ARID2: variants seen among roughly 807,000 people sequenced by gnomAD.
The protein encoded by ARID2 is AT-rich interaction domain 2.
A neutral mutation model predicts 184.6 loss-of-function variants in ARID2; 32 were observed. The observed-to-expected ratio is 0.17, with a 90% confidence interval of 0.13 to 0.23. The LOEUF (loss-of-function observed/expected upper bound fraction) is 0.23. Ranked by LOEUF, ARID2 falls within the 10% of genes least tolerant of loss-of-function variation. The pLI is 1.00. For synonymous variants in ARID2, 836 were observed against 772.6 expected (o/e 1.08, Z -1.36); for missense variants, 1,696 against 2,197.6 (o/e 0.77, Z 4.56).
intron 3 of ARID2, among the ~76,000 whole-genome samples, chr12:45,734,604 A>C (rs993283506): frequency 5.3e-5 from 8 of 152,060 alleles, no homozygotes; most frequent in Non-Finnish European, 1.0e-4. Flanking sequence ...GGCTTAGGGA[A>C]CATTTCATTA....
intron 3 of ARID2, among the ~76,000 whole-genome samples, chr12:45,779,045 T>C (rs1942038451): frequency 3.3e-5 from 5 of 152,084 alleles, no homozygotes; most frequent in Admixed American, 3.3e-4. Flanking sequence ...TTTAATAACT[T>C]CATATTTGTG....
At chr12:45,832,181 T>C (rs1943135030) in intron 6 of ARID2, among the ~76,000 whole-genome samples, 2 of 152,222 alleles carry the variant, frequency 1.3e-5, no homozygotes, top group Admixed American at 1.3e-4. Context: ...TTTTGATGCA[T>C]ATAAAACTGT....
At chr12:45,873,360 G>C (rs918743020) in intron 16 of ARID2, among the ~76,000 whole-genome samples, 2 of 152,052 alleles carry the variant, frequency 1.3e-5, no homozygotes, top group African/African-American at 2.4e-5. Flanking sequence ...CACTGTAGTT[G>C]CATTGATAGC....
chr12:45,789,372 T>C (rs1481712802), intron 3 of ARID2: 3 of 152,214 alleles, frequency 2.0e-5, no homozygotes, highest in Non-Finnish European at 4.4e-5. Flanking sequence ...TTTTTCTGTG[T>C]TTATTTGTTG....
intron 6 of ARID2, among the ~76,000 whole-genome samples, chr12:45,829,224 TTC>T (rs1407301354): frequency 6.6e-6 from 1 of 152,076 alleles, no homozygotes; most frequent in African/African-American, 2.4e-5. Flanking sequence ...TTTTTCTAGA[TTC>T]TTTTTCATTG....
At chr12:45,799,008 A>C (rs1052374804) in intron 3 of ARID2, among the ~76,000 whole-genome samples, 8 of 151,942 alleles carry the variant, frequency 5.3e-5, no homozygotes, top group Admixed American at 4.6e-4. Context: ...TATTAAAATA[A>C]AAATATACAA....
chr12:45,870,316 G>T (rs1477597580), intron 16 of ARID2, among the ~76,000 whole-genome samples: 1 of 152,080 alleles, frequency 6.6e-6, no homozygotes, highest in African/African-American at 2.4e-5. Flanking sequence ...AGCAGTTTTA[G>T]GTTTATGGAA....
rs541265230 is a variant in ARID2 at position 45,852,699 on chromosome 12, A to G, written c.4576A>G (p.Thr1526Ala). 1.2e-6 allele frequency: 2 copies of G among 1,614,210 alleles called. No homozygotes were observed. Among genetic ancestry groups the G allele is most frequent in the South Asian group, 2.2e-5 (2 of 91,092 alleles). ...GCCAGCAGAGGATACTGATAGGGAA[A>G]CAGTCGCAGGAATTCCAAATAAAGT... is the stretch of plus-strand genomic sequence containing the variant. The part of the protein sequence containing the change: ...KRPAEDTDRE[T>A]VAGIPNKVGV... Residue 1526 changes from threonine (T) to alanine (A), a missense_variant, in exon 15 of 21, where the codon ACA becomes GCA. By Grantham distance (58) the Thr-to-Ala change is moderately conservative. Around this residue, in one of 11 missense-constraint regions of ARID2, gnomAD observed 111 missense variants for 154.0 expected, o/e 0.72. Transcript: ENST00000334344.
chr12:45,898,104 G>A (rs1207227021), intron 20 of ARID2, among the ~76,000 whole-genome samples: 3 of 151,526 alleles, frequency 2.0e-5, no homozygotes, highest in Non-Finnish European at 2.9e-5. Flanking sequence ...AGCCTACAAA[G>A]GAAAAAAAAT....
intron 16 of ARID2, among the ~76,000 whole-genome samples, chr12:45,874,685 C>T (rs1336345289): frequency 6.6e-6 from 1 of 152,222 alleles, no homozygotes; most frequent in African/African-American, 2.4e-5. Context: ...TGCTAATGTT[C>T]ATATTTCGAC....
At chr12:45,862,954 A>G (rs1323527000) in intron 16 of ARID2, among the ~76,000 whole-genome samples, 2 of 152,158 alleles carry the variant, frequency 1.3e-5, no homozygotes, top group Non-Finnish European at 2.9e-5. Flanking sequence ...TTAGTCTGCA[A>G]ATATTTGTTA....
intron 3 of ARID2, among the ~76,000 whole-genome samples, chr12:45,788,607 A>C (rs1054407874): frequency 1.3e-5 from 2 of 152,150 alleles, no homozygotes; most frequent in Non-Finnish European, 2.9e-5. Flanking sequence ...CCCCCTACCC[A>C]GGATATGGGA....
In ARID2 at chr12:45,851,812, G is replaced by GTAC; in HGVS notation, c.3694_3696dup (p.Thr1232dup). ...GCATCTCCTGCTGGACAATCATCAT[G>GTAC]TACTACTGCTACTCCCCCATTCAAA... On this transcript the variant is annotated inframe_insertion, in exon 15 of 21. Transcript: ENST00000334344. 6.2e-7 allele frequency: 1 copy of GTAC among 1,614,134 alleles called. No homozygotes were observed. The highest frequency in any genetic ancestry group is 1.1e-5 in the South Asian group (1 of 91,080).
At chr12:45,883,170 T>C (rs1213394176) in intron 16 of ARID2, among the ~76,000 whole-genome samples, 3 of 152,204 alleles carry the variant, frequency 2.0e-5, no homozygotes, top group African/African-American at 7.2e-5. Context: ...TTGAGAAATA[T>C]GTGTTCCTTA....
intron 3 of ARID2, among the ~76,000 whole-genome samples, chr12:45,781,332 G>C (rs1942084778): frequency 1.0e-4 from 2 of 19,694 alleles, no homozygotes; most frequent in Non-Finnish European, 1.1e-4. Flanking sequence ...AGTGATTGTT[G>C]ACAGAATTAA....
intron 3 of ARID2, among the ~76,000 whole-genome samples, chr12:45,787,898 G>A (rs567425448): frequency 6.6e-6 from 1 of 152,206 alleles, no homozygotes; most frequent in South Asian, 2.1e-4. Flanking sequence ...CTGCCTATTA[G>A]AATATATTTT....
At chr12:45,877,287 AC>A (rs1944025431) in intron 16 of ARID2, among the ~76,000 whole-genome samples, 1 of 151,792 alleles carries the variant, frequency 6.6e-6, no homozygotes, top group African/African-American at 2.4e-5. Context: ...TTGCATTACC[AC>A]CTAAGCTCTG....
chr12:45,891,559 G>T, intron 16 of ARID2, among the ~76,000 whole-genome samples: 1 of 152,156 alleles, frequency 6.6e-6, no homozygotes, highest in East Asian at 1.9e-4. Context: ...ATAAGATAAT[G>T]TTCTATGGTG....
chr12:45,799,578 G>A (rs988025225), intron 3 of ARID2, among the ~76,000 whole-genome samples: 1 of 152,130 alleles, frequency 6.6e-6, no homozygotes, highest in Non-Finnish European at 1.5e-5. Flanking sequence ...TATAAAGGAA[G>A]AAGTAAAGAG....
Sources: gnomAD v4.1 joint callset for allele counts (sites outside exome capture counted in the v4.1 genomes callset) on GRCh38, gnomAD v4.1.1 for gene constraint, gnomAD v4.1.1 regional missense constraint, MANE v1.5 for transcripts, NCBI Gene and HGNC (gene_info 2026-07-23, HGNC 2026-07-21) for gene names.